HNMT: variants seen among roughly 807,000 people sequenced by gnomAD.
HNMT encodes the protein histamine N-methyltransferase.
In HNMT, 30 loss-of-function variants were observed where a neutral mutation model predicts 32.1. The observed-to-expected ratio is 0.93, with a 90% CI of 0.70 to 1.27. The LOEUF is 1.27. HNMT is among the 50% of genes most tolerant of loss of function. HNMT has a pLI of 0.00. For missense variants in HNMT, 327 were observed against 346.0 expected (o/e 0.95, Z 0.43); for synonymous variants, 125 against 119.0 (o/e 1.05, Z -0.33).
At chr2:137,980,680 C>G (rs954672309) in intron 2 of HNMT, among the ~76,000 whole-genome samples, 2 of 152,102 alleles carry the variant, frequency 1.3e-5, no homozygotes, top group South Asian at 2.1e-4. Context: ...AGTAGATTTC[C>G]TGGGCCAAGA....
intron 5 of HNMT, among the ~76,000 whole-genome samples, chr2:138,011,627 G>A (rs569964194): frequency 2.2e-3 from 342 of 152,162 alleles, no homozygotes; most frequent in Non-Finnish European, 4.3e-3. Flanking sequence ...GGTATGTATT[G>A]TTTGTGTATT....
At chr2:137,966,950 T>C (rs1679976625) in intron 1 of HNMT, 1 of 650,132 alleles carries the variant, frequency 1.5e-6, no homozygotes, top group African/African-American at 1.8e-5. Flanking sequence ...TTAAGAACTT[T>C]AAGAGTGAAC....
chr2:137,975,034 C>T (rs2104933107), intron 2 of HNMT, among the ~76,000 whole-genome samples: 1 of 152,242 alleles, frequency 6.6e-6, no homozygotes, highest in African/African-American at 2.4e-5. Context: ...AGAAGAAAAC[C>T]CAGATCTCTT....
intron 2 of HNMT, chr2:137,992,029 C>T (rs1432537739): frequency 6.6e-6 from 1 of 152,274 alleles, no homozygotes; most frequent in Non-Finnish European, 1.5e-5. Context: ...CCCCCTCCCC[C>T]CCAGCCAAGG....
intron 2 of HNMT, among the ~76,000 whole-genome samples, chr2:137,980,098 C>G (rs1426508955): frequency 6.6e-6 from 1 of 151,222 alleles, no homozygotes; most frequent in African/African-American, 2.4e-5. Flanking sequence ...TGCAGTGGCA[C>G]GATCTCAGCT....
In HNMT at chr2:138,014,143, A is replaced by T. The variant is rs1558751104; in HGVS notation, c.*13A>T. 1 of 1,416,800 alleles carries T rather than the reference A, an allele frequency of 7.1e-7. No homozygotes were observed. 87.8% of individuals were successfully genotyped at this position (1,416,800 alleles called of 1,614,324 possible). ...GATTGAGGCATAACTATCAATCACA[A>T]AAGTATATTCAAAAATTATATTTTG... On this transcript the variant is annotated 3_prime_UTR_variant, in exon 6 of 6. Transcript: ENST00000280097.
rs544004340 is a variant in HNMT at position 137,967,479 on chromosome 2, G to A, written c.138-2686G>A. The A allele has an allele frequency of 1.3e-4, 25 of 195,118 alleles. No homozygotes were observed. In the South Asian group the frequency reaches 2.9e-3, roughly 22 times the overall value. The allele number at this position is 195,118 out of a possible 1,614,324, so 12.1% of individuals were successfully genotyped here. ...TGTGGAATAACTTTTACATTGCTATGTGTTTTGTTTTCCCTATTTTGAACT... is the reference window on the plus strand; with the variant it reads ...TGTGGAATAACTTTTACATTGCTATATGTTTTGTTTTCCCTATTTTGAACT... On this transcript the variant is annotated intron_variant, in intron 1 of 5. Transcript: ENST00000280097.
chr2:138,002,199 G>A lies in HNMT; in HGVS notation c.429+5G>A, dbSNP rs753043837. On this transcript the variant is annotated splice_donor_5th_base_variant and intron_variant, in intron 4 of 5. Coordinates refer to ENST00000280097, the MANE Select transcript of HNMT (RefSeq NM_006895.3). ...GACTTTATTCATATGATTCAAGTAAGAAATATGTATTATAATATATACTCA... is the reference window on the plus strand; with the variant it reads ...GACTTTATTCATATGATTCAAGTAAAAAATATGTATTATAATATATACTCA... 7 of 1,523,890 alleles carry A rather than the reference G, an allele frequency of 4.6e-6. No homozygotes were observed. In the African/African-American group the frequency reaches 8.3e-5, roughly 18 times the overall value. 94.4% of individuals were successfully genotyped at this position (1,523,890 alleles called of 1,614,324 possible).
intron 1 of HNMT, among the ~76,000 whole-genome samples, chr2:137,966,897 T>A (rs923502791): frequency 1.3e-5 from 2 of 152,222 alleles, no homozygotes; most frequent in Non-Finnish European, 2.9e-5. Context: ...CTCATGCCTT[T>A]CTTTTCTTTG....
rs1681625408 is a variant in HNMT, at chr2:138,015,158, T to C, written c.*1028T>C. ...CAAGAGTCATCTTTGGACTGTAGGA[T>C]TTCAGGGGGGTTTTGAAAACAAATT... On this transcript the variant is annotated 3_prime_UTR_variant, in exon 6 of 6. Transcript: ENST00000280097. 1 of 152,034 alleles carries C rather than the reference T, an allele frequency of 6.6e-6. No homozygotes were observed. Among genetic ancestry groups the C allele is most frequent in the Admixed American group, 6.6e-5 (1 of 15,238 alleles). The allele number at this position is 152,034 out of a possible 1,614,324, so 9.4% of individuals were successfully genotyped here.
intron 2 of HNMT, among the ~76,000 whole-genome samples, chr2:137,996,094 C>A (rs756409924): frequency 6.6e-6 from 1 of 152,192 alleles, no homozygotes; most frequent in Non-Finnish European, 1.5e-5. Context: ...GGAAGCATTC[C>A]TGTTGAAAAC....
Position 138,014,495 on chromosome 2 carries a change from A to T in HNMT, c.*365A>T, listed in dbSNP as rs919814996. On this transcript the variant is annotated 3_prime_UTR_variant, in exon 6 of 6. Transcript: ENST00000280097. ...ACTATAGATTCTTTATTAGTGAAGT[A>T]TGCACTAATCAATACTTTGAACACA... 4.0e-5 allele frequency: 7 copies of T among 173,984 alleles called. No homozygotes were observed. Among genetic ancestry groups the T allele is most frequent in the Admixed American group, 2.8e-4 (5 of 17,902 alleles). 10.8% of individuals were successfully genotyped at this position (173,984 alleles called of 1,614,324 possible).
rs115471143 is a variant in HNMT at position 137,991,108 on chromosome 2, T to A, written c.191-9810T>A. On this transcript the variant is annotated intron_variant, in intron 2 of 5. Coordinates refer to ENST00000280097, the MANE Select transcript of HNMT (RefSeq NM_006895.3). Reference sequence around the variant, plus strand: ...TTTGCTGGTTTATGATAAAGGATGTTACAAAGGCTACAGATGAAGAGATGC... The same window carrying A: ...TTTGCTGGTTTATGATAAAGGATGTAACAAAGGCTACAGATGAAGAGATGC... Among the ~76,000 whole-genome samples, 924 of 152,296 alleles carry A rather than the reference T, an allele frequency of 6.1e-3. 13 individuals are homozygous for A. Among genetic ancestry groups the A allele is most frequent in the African/African-American group, 0.021 (891 of 41,560 alleles).
intron 1 of HNMT, among the ~76,000 whole-genome samples, chr2:137,969,105 T>G (rs1007020667): frequency 6.6e-6 from 1 of 152,224 alleles, no homozygotes; most frequent in Non-Finnish European, 1.5e-5. Context: ...TTTCCTTTTT[T>G]AAGTAGTACA....
chr2:137,965,702 G>C (rs1184399249), intron 1 of HNMT, among the ~76,000 whole-genome samples: 1 of 152,114 alleles, frequency 6.6e-6, no homozygotes, highest in African/African-American at 2.4e-5. Flanking sequence ...ACTAATTATA[G>C]TTAACCTCTT....
At chr2:137,973,716 C>T (rs1050295582) in intron 2 of HNMT, among the ~76,000 whole-genome samples, 2 of 152,040 alleles carry the variant, frequency 1.3e-5, no homozygotes, top group Admixed American at 6.6e-5. Context: ...AAAAGAAAAC[C>T]AGCTAAAAGC....
At chr2:138,010,939 G>T (rs542726091) in intron 5 of HNMT, among the ~76,000 whole-genome samples, 5 of 152,182 alleles carry the variant, frequency 3.3e-5, no homozygotes, top group Admixed American at 2.6e-4. Context: ...GGAGATCACT[G>T]AAGCTTTCTG....
chr2:138,014,535 G>A lies in HNMT; in HGVS notation c.*405G>A, dbSNP rs1171301651. 1 of 156,574 alleles carries A rather than the reference G, an allele frequency of 6.4e-6. No individual in the cohort carries two copies. Among genetic ancestry groups the A allele is most frequent in the Non-Finnish European group, 1.4e-5 (1 of 70,812 alleles). The allele number at this position is 156,574 out of a possible 1,614,324, so 9.7% of individuals were successfully genotyped here. ...CTTTGAACACAAAGCCTGTGTTACT[G>A]ATTTGGCCGTTTTGTGAAGAAACAT... On this transcript the variant is annotated 3_prime_UTR_variant, in exon 6 of 6. Transcript: ENST00000280097.
rs747612025 is a variant in HNMT, at chr2:138,015,942, C to A, written c.*1812C>A. 28 of 152,092 alleles carry A rather than the reference C, an allele frequency of 1.8e-4. No homozygotes were observed. Among genetic ancestry groups the A allele is most frequent in the Admixed American group, 1.6e-3 (24 of 15,250 alleles). The allele number at this position is 152,092 out of a possible 1,614,324, so 9.4% of individuals were successfully genotyped here. A position where few individuals can be genotyped will look rare whatever the true frequency, so the allele number is the denominator to read the frequency against. ...GTATACAAGGATAAATAAATTCTCACCTGCTTAATTTTAGTGCAATTGAAA... is the reference window on the plus strand; with the variant it reads ...GTATACAAGGATAAATAAATTCTCAACTGCTTAATTTTAGTGCAATTGAAA... On this transcript the variant is annotated 3_prime_UTR_variant, in exon 6 of 6. Coordinates refer to ENST00000280097, the MANE Select transcript of HNMT (RefSeq NM_006895.3).
Sources: gnomAD v4.1 joint callset for allele counts (sites outside exome capture counted in the v4.1 genomes callset) on GRCh38, gnomAD v4.1.1 for gene constraint, MANE v1.5 for transcripts, NCBI Gene and HGNC (gene_info 2026-07-23, HGNC 2026-07-21) for gene names.